The following CDK5RAP1 variants were observed in gnomAD, a reference collection of about 807,000 sequenced individuals.
The protein encoded by CDK5RAP1 is CDK5RAP1 mitochondrial tRNA methylthiotransferase, also known as mitochondrial tRNA methylthiotransferase CDK5RAP1.
A neutral mutation model predicts 64.5 loss-of-function variants in CDK5RAP1; 62 were observed. The ratio of observed to expected loss-of-function variants is 0.96; its 90% confidence interval spans 0.78 to 1.19. The LOEUF is 1.19. CDK5RAP1 is among the 50% of genes most tolerant of loss of function. CDK5RAP1 has a pLI of 0.00. For missense variants in CDK5RAP1, 657 were observed against 735.0 expected (o/e 0.89, Z 1.23); for synonymous variants, 250 against 261.9 (o/e 0.95, Z 0.44).
chr20:33,374,414 T>G (rs1985633873), intron 8 of CDK5RAP1, among the ~76,000 whole-genome samples: 1 of 152,054 alleles, frequency 6.6e-6, no homozygotes, highest in South Asian at 2.1e-4. Context: ...CCTGATGGCA[T>G]CTCTGCTTTC....
chr20:33,391,191 C>T (rs959906810), intron 5 of CDK5RAP1, among the ~76,000 whole-genome samples: 12 of 145,000 alleles, frequency 8.3e-5, no homozygotes, highest in African/African-American at 3.1e-4. Context: ...GAGTTGGAGG[C>T]TGCAGTGAGC....
At chr20:33,363,417 G>C (rs1983295826) in intron 12 of CDK5RAP1, among the ~76,000 whole-genome samples, 1 of 152,150 alleles carries the variant, frequency 6.6e-6, no homozygotes, top group African/African-American at 2.4e-5. Flanking sequence ...GATTTTCATA[G>C]TTGTACTACA....
chr20:33,399,681 C>T (rs1665547164), intron 1 of CDK5RAP1, among the ~76,000 whole-genome samples: 1 of 152,132 alleles, frequency 6.6e-6, no homozygotes, highest in Admixed American at 6.5e-5. Context: ...GACATGGAAG[C>T]AGGGGTGTGT....
intron 2 of CDK5RAP1, 146 bp downstream of exon 2, chr20:33,396,615 A>T: frequency 1.4e-6 from 1 of 701,156 alleles, no homozygotes; most frequent in Non-Finnish European, 2.5e-6. Flanking sequence ...TCTTGATATT[A>T]ATATTACTTG....
chr20:33,366,609 C>A (rs1041200993), intron 12 of CDK5RAP1, among the ~76,000 whole-genome samples: 1 of 152,050 alleles, frequency 6.6e-6, no homozygotes, highest in Non-Finnish European at 1.5e-5. Context: ...GAGACTCCGT[C>A]TCAAAAAAAG....
chr20:33,362,900 C>T (rs1983199150), intron 12 of CDK5RAP1, among the ~76,000 whole-genome samples: 1 of 152,096 alleles, frequency 6.6e-6, no homozygotes, highest in Admixed American at 6.5e-5. Context: ...AAATGAATAC[C>T]ACTTTAGGGA....
At position 33,388,535 on chromosome 20, in the gene CDK5RAP1, CCTCTCCCT is replaced by C. The variant is rs1179256149; in HGVS notation, c.545-1010_545-1003del. 1.9e-4 allele frequency among the ~76,000 whole-genome samples: 18 copies of C among 92,702 alleles called. 1 individual carries two copies. Among genetic ancestry groups the C allele is most frequent in the African/African-American group, 7.5e-4 (17 of 22,706 alleles). The allele number at this position is 92,702 out of a possible 152,430, so 60.8% of individuals were successfully genotyped here. On this transcript the variant is annotated intron_variant, in intron 5 of 13. Transcript: ENST00000346416. ...CTCTCCCTCTCCCTCTCCCTCTCCCCCTCTCCCTCTCCCCCTCTCCCTCTCCCTCTCCC... is the reference window on the plus strand; with the variant it reads ...CTCTCCCTCTCCCTCTCCCTCTCCCCCTCCCCCTCTCCCTCTCCCTCTCCC...
chr20:33,387,920 C>T (rs889995909), intron 5 of CDK5RAP1, among the ~76,000 whole-genome samples: 1 of 151,814 alleles, frequency 6.6e-6, no homozygotes, highest in Non-Finnish European at 1.5e-5. Flanking sequence ...TACAAAAGTA[C>T]CCAGGCATGG....
rs528794544 is a variant in CDK5RAP1, at chr20:33,392,154, T to C, written c.532A>G (p.Ile178Val). Residue 178 changes from isoleucine to valine, a missense_variant, in exon 5 of 14, where the codon ATT becomes GTT. By Grantham distance (29) the Ile-to-Val change is conservative. Coordinates refer to ENST00000346416, the MANE Select transcript of CDK5RAP1 (RefSeq NM_016408.4). Reference sequence around the variant, plus strand: ...AATTACCAGATACCTAGAATTCCAATCCTCAGAGGAACCCGGGAGCGGGGC... The same window carrying C: ...AATTACCAGATACCTAGAATTCCAACCCTCAGAGGAACCCGGGAGCGGGGC... ...RRPRSRVPLR[I>V]GILGCMAERL... 2 of 1,607,684 alleles carry C rather than the reference T, an allele frequency of 1.2e-6. No homozygotes were observed. The highest frequency in any genetic ancestry group is 1.7e-6 in the Non-Finnish European group (2 of 1,175,690).
rs564557154 is a variant in CDK5RAP1, at chr20:33,384,201, G to A, written c.876+1449C>T. Among the ~76,000 whole-genome samples the A allele has an allele frequency of 4.3e-3, 658 of 152,118 alleles. 1 individual carries two copies. The highest frequency in any genetic ancestry group is 6.1e-3 in the Non-Finnish European group (412 of 67,982). ...AAAATCTTTAAAAATTACTAAACAA[G>A]CAAAATTATTAAGTGACTAACAGAT... On this transcript the variant is annotated intron_variant, in intron 7 of 13. Transcript: ENST00000346416.
At chr20:33,389,500 A>AGCCCCC (rs1337928974) in intron 5 of CDK5RAP1, among the ~76,000 whole-genome samples, 133 of 149,966 alleles carry the variant, frequency 8.9e-4, no homozygotes, top group Non-Finnish European at 3.4e-4. Flanking sequence ...GGTGGGGGTC[A>AGCCCCC]GCCCCCGCCC....
Position 33,378,899 on chromosome 20 carries a change from G to A in CDK5RAP1, c.1107+562C>T, listed in dbSNP as rs369751468. ...CTCTCTGTACAGCCCTCACGGTCCC[G>A]CAGGTGGTCTTAACCTCCCGCTGAA... On this transcript the variant is annotated intron_variant, in intron 8 of 13. Transcript: ENST00000346416. Among the ~76,000 whole-genome samples, 4 of 151,988 alleles carry A rather than the reference G, an allele frequency of 2.6e-5. No homozygotes were observed. The East Asian group carries it at 7.7e-4, about 29-fold the overall frequency.
At chr20:33,363,829 T>A (rs1272237208) in intron 12 of CDK5RAP1, among the ~76,000 whole-genome samples, 1 of 151,460 alleles carries the variant, frequency 6.6e-6, no homozygotes, top group African/African-American at 2.4e-5. Flanking sequence ...GCCCAAGGAG[T>A]TCAAGGTTAC....
At chr20:33,372,203 A>G (rs986985847) in intron 10 of CDK5RAP1, among the ~76,000 whole-genome samples, 2 of 152,110 alleles carry the variant, frequency 1.3e-5, no homozygotes. Flanking sequence ...AATCGGCCTC[A>G]AAAAGAAAGT....
At chr20:33,381,411 TTTGTTGTTG>T (rs148789837) in intron 7 of CDK5RAP1, among the ~76,000 whole-genome samples, 2,642 of 152,072 alleles carry the variant, frequency 0.017, 64 homozygotes, top group African/African-American at 0.059. Flanking sequence ...CAAATAATGT[TTTGTTGTTG>T]TTGTTGTTGT....
At chr20:33,389,886 A>T (rs1158410915) in intron 5 of CDK5RAP1, among the ~76,000 whole-genome samples, 1 of 152,230 alleles carries the variant, frequency 6.6e-6, no homozygotes, top group Admixed American at 6.5e-5. Context: ...CTTGGGAAAA[A>T]AAAATAATTT....
chr20:33,401,524 G>T, upstream of CDK5RAP1: 1 of 985,294 alleles, frequency 1.0e-6, no homozygotes, highest in Non-Finnish European at 1.2e-6. Context: ...ATACACAAGC[G>T]ACTTCCGTTC....
intron 12 of CDK5RAP1, among the ~76,000 whole-genome samples, chr20:33,362,362 A>T (rs1325726604): frequency 6.6e-6 from 1 of 152,208 alleles, no homozygotes; most frequent in Admixed American, 6.5e-5. Context: ...TATCTCCAAA[A>T]TGTCAACCTA....
At chr20:33,392,886 CTT>C (rs11484160) in intron 4 of CDK5RAP1, among the ~76,000 whole-genome samples, 2 of 144,828 alleles carry the variant, frequency 1.4e-5, no homozygotes, top group Non-Finnish European at 1.5e-5. Context: ...GCAATTTCTC[CTT>C]TTTTTTTTTT....
Sources: gnomAD v4.1 joint callset for allele counts (sites outside exome capture counted in the v4.1 genomes callset) on GRCh38, gnomAD v4.1.1 for gene constraint, MANE v1.5 for transcripts, NCBI Gene and HGNC (gene_info 2026-07-23, HGNC 2026-07-21) for gene names.